Variants in NLRC3 observed in about 807,000 individuals in gnomAD.
NLRC3 encodes the protein NLR family CARD domain containing 3, also known as NLR family CARD domain-containing protein 3.
In NLRC3, 87 loss-of-function variants were observed where a neutral mutation model predicts 91.6. The observed-to-expected ratio is 0.95, with a 90% CI of 0.80 to 1.14. NLRC3 has a LOEUF of 1.14. Ranked by LOEUF, NLRC3 falls within the 50% of genes most tolerant of loss-of-function variation. The pLI is 0.00. For synonymous variants in NLRC3, 694 were observed against 625.3 expected (o/e 1.11, Z -1.64); for missense variants, 1,577 against 1,418.6 (o/e 1.11, Z -1.79).
rs148797543 is a variant in NLRC3, at chr16:3,548,927, T to A, written c.2604-174A>T. 1.8e-4 allele frequency among the ~76,000 whole-genome samples: 28 copies of A among 152,242 alleles called. No homozygotes were observed. The East Asian group carries it at 4.6e-3, about 25-fold the overall frequency. On this transcript the variant is annotated intron_variant, in intron 13 of 19. Coordinates refer to ENST00000359128, the MANE Select transcript of NLRC3 (RefSeq NM_178844.4). ...AACATCCTCATCCATCCCCACCAGG[T>A]GAAGCAGACGGCGTCACACTAGCCT...
intron 5 of NLRC3, among the ~76,000 whole-genome samples, 151 bp from the exon 6 acceptor site, chr16:3,561,939 C>T (rs1038584033): frequency 3.9e-5 from 6 of 152,220 alleles, no homozygotes; most frequent in African/African-American, 1.2e-4. Flanking sequence ...AGACCTTTCC[C>T]GTGAGAGTGA....
chr16:3,564,615 G>T lies in NLRC3; in HGVS notation c.322C>A (p.Gln108Lys). The T allele has an allele frequency of 1.2e-6, 2 of 1,609,786 alleles. No homozygotes were observed. Among genetic ancestry groups the T allele is most frequent in the Non-Finnish European group, 1.7e-6 (2 of 1,179,716 alleles). Residue 108 changes from glutamine to lysine, a missense_variant, in exon 5 of 20, where the codon CAG (glutamine) becomes AAG (lysine). Gln to Lys is a moderately conservative substitution (Grantham distance 53). Coordinates refer to ENST00000359128, the MANE Select transcript of NLRC3 (RefSeq NM_178844.4). The surrounding 1 kb of genome is among the most constrained non-coding windows in gnomAD (Gnocchi z 5.9). ...DLQLREHDFT[Q>K]VEATRGGGHP... ...CCGCCCCCGCGGGTGGCCTCCACCT[G>T]TGTGAAGTCGTGTTCCCTCAGCTGC...
intron 16 of NLRC3, 194 bp from the exon 17 acceptor site, chr16:3,543,702 T>A: frequency 1.7e-6 from 1 of 584,236 alleles, no homozygotes; most frequent in African/African-American, 1.9e-5. Flanking sequence ...ATCTGGATGC[T>A]AAGGAGATGA....
chr16:3,560,152 C>T (rs752642256), intron 6 of NLRC3, among the ~76,000 whole-genome samples: 6 of 152,158 alleles, frequency 3.9e-5, no homozygotes, highest in Non-Finnish European at 8.8e-5. Context: ...CAGTGGCTCA[C>T]ACCTGTAATC....
chr16:3,570,774 A>T (rs188844979), intron 1 of NLRC3, among the ~76,000 whole-genome samples: 300 of 152,032 alleles, frequency 2.0e-3, no homozygotes, highest in Admixed American at 4.3e-3. Context: ...AAGTGGCACC[A>T]CCCCCTCAGG....
intron 8 of NLRC3, among the ~76,000 whole-genome samples, chr16:3,556,387 C>A (rs975647838): frequency 1.3e-5 from 2 of 149,608 alleles, no homozygotes; most frequent in African/African-American, 4.9e-5. Flanking sequence ...AACTCTGTCC[C>A]CTGCTCAGGC....
At chr16:3,542,345 G>T (rs76537717) in intron 18 of NLRC3, 71 bp from the exon 19 acceptor site, 14 of 947,246 alleles carry the variant, frequency 1.5e-5, no homozygotes, top group Non-Finnish European at 2.3e-5. Context: ...GGAAGCAACA[G>T]TGCATTGTCT....
At chr16:3,547,441 G>A (rs767977472) in intron 15 of NLRC3, among the ~76,000 whole-genome samples, 3 of 152,046 alleles carry the variant, frequency 2.0e-5, no homozygotes, top group Non-Finnish European at 2.9e-5. Flanking sequence ...GAGTGCTAAC[G>A]GGGTGATGGA....
At chr16:3,556,158 G>T (rs1444326079) in intron 8 of NLRC3, among the ~76,000 whole-genome samples, 1 of 148,976 alleles carries the variant, frequency 6.7e-6, no homozygotes, top group East Asian at 2.0e-4. Context: ...GTGAAAGCTC[G>T]TCTCTACTAA....
chr16:3,543,693 T>G, intron 16 of NLRC3, 185 bp from the exon 17 acceptor site: 1 of 593,430 alleles, frequency 1.7e-6, no homozygotes, highest in Non-Finnish European at 3.0e-6. Context: ...AAGACAGAGA[T>G]CTGGATGCTA....
At chr16:3,552,174 G>A (rs778794402) in intron 10 of NLRC3, 22 bp downstream of exon 10, 1 of 1,428,814 alleles carries the variant, frequency 7.0e-7, no homozygotes, top group East Asian at 2.3e-5. Context: ...GGATACTAGT[G>A]TGGGCCTTTC....
At chr16:3,545,606 G>C (rs147354976) in intron 15 of NLRC3, 1 of 152,308 alleles carries the variant, frequency 6.6e-6, no homozygotes, top group East Asian at 1.9e-4. Flanking sequence ...CGAAGCTCAG[G>C]TGGGAAGACA....
At chr16:3,565,736 C>T (rs542734368) in intron 2 of NLRC3, among the ~76,000 whole-genome samples, 2 of 152,114 alleles carry the variant, frequency 1.3e-5, no homozygotes, top group South Asian at 2.1e-4. Context: ...ACCCACAGAA[C>T]GTACAACTCC....
At position 3,564,715 on chromosome 16, in the gene NLRC3, C is replaced by T. The variant is rs768925086; in HGVS notation, c.222G>A (p.Val74=). The change falls in exon 5 of 20, where the codon GTG becomes GTA. Residue 74 remains valine (V), a synonymous_variant. Transcript: ENST00000359128. The surrounding 1 kb of genome is among the most constrained non-coding windows in gnomAD (Gnocchi z 5.9). The stretch of plus-strand genomic sequence containing the variant: ...GTCCGCCCAGCTCCGGGCCACCTCC[C>T]ACCTTGCTCAGCAGGGCCTTGCGGT... ...QRHRKALLSK[V]GGGPELGGPW... is the part of the protein sequence containing the mutation. 48 of 1,595,514 alleles carry T rather than the reference C, an allele frequency of 3.0e-5. No individual in the cohort carries two copies. Among genetic ancestry groups the T allele is most frequent in the Non-Finnish European group, 4.0e-5 (47 of 1,176,626 alleles).
At chr16:3,557,905 T>G (rs1266485088) in intron 6 of NLRC3, among the ~76,000 whole-genome samples, 1 of 151,750 alleles carries the variant, frequency 6.6e-6, no homozygotes, top group Non-Finnish European at 1.5e-5. Context: ...TGGCAAAGGG[T>G]CTCAGGAAAA....
intron 8 of NLRC3, among the ~76,000 whole-genome samples, chr16:3,556,638 G>A (rs1008772933): frequency 2.0e-5 from 3 of 152,124 alleles, no homozygotes; most frequent in African/African-American, 4.8e-5. Flanking sequence ...CCGAGTTGCT[G>A]GGATTACAGG....
chr16:3,564,718 C>G lies in NLRC3; in HGVS notation c.219G>C (p.Lys73Asn). 1.3e-6 allele frequency: 2 copies of G among 1,595,444 alleles called. No individual in the cohort carries two copies. Among genetic ancestry groups the G allele is most frequent in the Non-Finnish European group, 1.7e-6 (2 of 1,176,548 alleles). ...CGCCCAGCTCCGGGCCACCTCCCAC[C>G]TTGCTCAGCAGGGCCTTGCGGTGCC... ...IQRHRKALLS[K>N]VGGGPELGGP... Residue 73 changes from lysine to asparagine, a missense_variant, in exon 5 of 20, where the codon AAG (lysine) becomes AAC (asparagine). Transcript: ENST00000359128. The surrounding 1 kb of genome is among the most constrained non-coding windows in gnomAD (Gnocchi z 5.9).
chr16:3,565,021 C>T lies in NLRC3; in HGVS notation c.16G>A (p.Val6Met), dbSNP rs749015282. 1.2e-6 allele frequency: 2 copies of T among 1,609,650 alleles called. No homozygotes were observed. Among genetic ancestry groups the T allele is most frequent in the Admixed American group, 1.7e-5 (1 of 59,982 alleles). MRKQEVRTGREAGQGH... is the reference protein window; with the variant it reads MRKQEMRTGREAGQGH... ...TGGCCGGCCTCCCTGCCCGTCCGCA[C>T]CTCTTGCTTCCTCATGGAGTCGGGG... The change falls in exon 4 of 20, where the codon GTG becomes ATG. Residue 6 changes from valine (V) to methionine (M), a missense_variant. Physicochemically the swap from Val to Met is conservative, Grantham distance 21. Transcript: ENST00000359128.
At position 3,542,572 on chromosome 16, in the gene NLRC3, T is replaced by C. The variant is rs1188244493; in HGVS notation, c.3023+120A>G. 2.4e-5 allele frequency: 16 copies of C among 666,240 alleles called. No individual in the cohort carries two copies. In the East Asian group the frequency reaches 4.4e-4, roughly 18 times the overall value. The allele number at this position is 666,240 out of a possible 1,614,324, so 41.3% of individuals were successfully genotyped here. ...GGAATGTGGACTATAATAAGTCTGATTGTTTATATTCAGAAGGAAATAGCT... is the reference window on the plus strand; with the variant it reads ...GGAATGTGGACTATAATAAGTCTGACTGTTTATATTCAGAAGGAAATAGCT... On this transcript the variant is annotated intron_variant, in intron 18 of 19. Coordinates refer to ENST00000359128, the MANE Select transcript of NLRC3 (RefSeq NM_178844.4).
Sources: allele counts gnomAD v4.1 joint callset (sites outside exome capture counted in the v4.1 genomes callset), GRCh38; gene constraint gnomAD v4.1.1; non-coding constraint Gnocchi (gnomAD v3.1); transcripts MANE v1.5; gene names NCBI Gene and HGNC (gene_info 2026-07-23, HGNC 2026-07-21).